DNAH9: variants seen among roughly 807,000 people sequenced by gnomAD.
The protein encoded by DNAH9 is dynein axonemal heavy chain 9, also known as DNAH9 variant protein.
Under a neutral mutation model 471.6 loss-of-function variants are expected in DNAH9, and 345 were observed. The ratio of observed to expected loss-of-function variants is 0.73; its 90% confidence interval spans 0.67 to 0.80. The LOEUF is 0.80. DNAH9 is among the 30% of genes least tolerant of loss of function. DNAH9 has a pLI of 0.00. For missense variants in DNAH9, 5,407 were observed against 5,609.2 expected (o/e 0.96, Z 1.15); for synonymous variants, 2,093 against 2,123.6 (o/e 0.99, Z 0.40).
At chr17:11,780,518 G>T (rs1968627973) in intron 38 of DNAH9, among the ~76,000 whole-genome samples, 1 of 152,180 alleles carries the variant, frequency 6.6e-6, no homozygotes, top group African/African-American at 2.4e-5. Flanking sequence ...AGCTTCCTTG[G>T]AGTAGAGTAC....
At chr17:11,684,459 A>C (rs929915181) in intron 19 of DNAH9, among the ~76,000 whole-genome samples, 9 of 152,174 alleles carry the variant, frequency 5.9e-5, no homozygotes, top group Admixed American at 4.6e-4. Flanking sequence ...GGCTTTGTGC[A>C]ACTCTTAAAG....
In DNAH9 at chr17:11,680,822, A is replaced by C; in HGVS notation, c.3676A>C (p.Arg1226=). 1 of 1,613,972 alleles carries C rather than the reference A, an allele frequency of 6.2e-7. No homozygotes were observed. Among genetic ancestry groups the C allele is most frequent in the Non-Finnish European group, 8.5e-7 (1 of 1,179,944 alleles). ...AAATGAAGTGACACTCCTCCGCCAGAGGTGCACAGCCTTCGATGCAGAACA... is the reference window on the plus strand; with the variant it reads ...AAATGAAGTGACACTCCTCCGCCAGCGGTGCACAGCCTTCGATGCAGAACA... ...QANEVTLLRQ[R]CTAFDAEQQQ... The change falls in exon 19 of 69, where the codon AGG becomes CGG. Residue 1226 remains arginine, a synonymous_variant. Coordinates refer to ENST00000262442, the MANE Select transcript of DNAH9 (RefSeq NM_001372.4).
At chr17:11,640,751 C>T (rs2073256051) in intron 10 of DNAH9, among the ~76,000 whole-genome samples, 1 of 152,140 alleles carries the variant, frequency 6.6e-6, no homozygotes, top group Non-Finnish European at 1.5e-5. Context: ...CCAGTGTTTC[C>T]TCAAGTGCAG....
At position 11,802,638 on chromosome 17, in the gene DNAH9, AAC is replaced by A. The variant is rs555230125; in HGVS notation, c.8420+4851_8420+4852del. Among the ~76,000 whole-genome samples, 114 of 118,396 alleles carry A rather than the reference AAC, an allele frequency of 9.6e-4. 1 individual carries two copies. The highest frequency in any genetic ancestry group is 3.7e-3 in the African/African-American group (112 of 30,594). The allele number at this position is 118,396 out of a possible 152,430, so 77.7% of individuals were successfully genotyped here. A position where few individuals can be genotyped will look rare whatever the true frequency, so the allele number is the denominator to read the frequency against. ...CAAGAGTGAAACTCCATCTCAAGAA[AAC>A]ACACAGACAAAAAAAAAAAAAAAGT... On this transcript the variant is annotated intron_variant, in intron 43 of 68. Transcript: ENST00000262442.
At chr17:11,838,972 G>T (rs896322158) in intron 49 of DNAH9, among the ~76,000 whole-genome samples, 1 of 152,158 alleles carries the variant, frequency 6.6e-6, no homozygotes, top group East Asian at 1.9e-4. Flanking sequence ...TAAATCAGAG[G>T]TGGGTAGTAA....
intron 49 of DNAH9, among the ~76,000 whole-genome samples, chr17:11,835,265 G>A (rs1382439980): frequency 1.3e-5 from 2 of 152,152 alleles, no homozygotes; most frequent in South Asian, 2.1e-4. Flanking sequence ...TCTAATCCCA[G>A]GGATCTTCCT....
At chr17:11,681,159 A>AG (rs1362185533) in intron 19 of DNAH9, among the ~76,000 whole-genome samples, 1 of 152,224 alleles carries the variant, frequency 6.6e-6, no homozygotes, top group Non-Finnish European at 1.5e-5. Context: ...AAGTTTATAA[A>AG]GGGATGATAG....
chr17:11,934,279 T>TA (rs940635334), intron 65 of DNAH9, among the ~76,000 whole-genome samples: 12 of 152,140 alleles, frequency 7.9e-5, no homozygotes, highest in Non-Finnish European at 1.5e-4. Flanking sequence ...AGTTGAGAGA[T>TA]ACGGGATTTC....
chr17:11,961,677 C>G (rs538645690), intron 67 of DNAH9, among the ~76,000 whole-genome samples, 190 bp from the exon 68 acceptor site: 57 of 152,300 alleles, frequency 3.7e-4, no homozygotes, highest in African/African-American at 1.3e-3. Flanking sequence ...TGAGACAAAC[C>G]TTCCAAAGCA....
At chr17:11,945,308 A>G (rs2322133) in intron 67 of DNAH9, among the ~76,000 whole-genome samples, 65,796 of 151,854 alleles carry the variant, frequency 0.43, 15,002 homozygotes, top group Middle Eastern at 0.53. Context: ...AGGCCGAGGC[A>G]GGTGGATTGC....
intron 12 of DNAH9, among the ~76,000 whole-genome samples, chr17:11,649,966 T>C (rs1229053833): frequency 6.6e-6 from 1 of 152,226 alleles, no homozygotes; most frequent in Non-Finnish European, 1.5e-5. Flanking sequence ...TTTATGTTGA[T>C]ATTTTATGCG....
At position 11,640,271 on chromosome 17, in the gene DNAH9, G is replaced by A. The variant is rs17600516; in HGVS notation, c.1788G>A (p.Gly596=). The part of the protein sequence containing the change: ...SQHVQEEAEL[G]FSPVHKNMPT... Reference sequence around the variant, plus strand: ...GGTCTGTCTGTGCCATGTCTCCAGGGTTCTCCCCGGTGCACAAGAACATGC... The same window carrying A: ...GGTCTGTCTGTGCCATGTCTCCAGGATTCTCCCCGGTGCACAAGAACATGC... The change falls in exon 10 of 69, where the codon GGG becomes GGA. Residue 596 remains glycine (G), a splice_region_variant and synonymous_variant. Transcript: ENST00000262442. The A allele has an allele frequency of 0.035, 56,491 of 1,608,420 alleles. 1,095 individuals are homozygous for A. The highest frequency in any genetic ancestry group is 0.04 in the Non-Finnish European group (47,584 of 1,175,338).
At chr17:11,722,778 C>G (rs1220134194) in intron 27 of DNAH9, among the ~76,000 whole-genome samples, 1 of 152,204 alleles carries the variant, frequency 6.6e-6, no homozygotes, top group Admixed American at 6.5e-5. Flanking sequence ...AAACCAGCCA[C>G]TTTCTCTGAA....
At chr17:11,720,332 T>C (rs931994582) in intron 27 of DNAH9, among the ~76,000 whole-genome samples, 6 of 152,184 alleles carry the variant, frequency 3.9e-5, no homozygotes, top group Non-Finnish European at 7.3e-5. Flanking sequence ...ATGTGCCATG[T>C]TGGTGTGCTG....
intron 11 of DNAH9, among the ~76,000 whole-genome samples, chr17:11,645,198 C>T (rs1175776984): frequency 6.6e-6 from 1 of 151,932 alleles, no homozygotes; most frequent in Non-Finnish European, 1.5e-5. Flanking sequence ...TTGATTTCTC[C>T]TTCTGCCATT....
intron 1 of DNAH9, among the ~76,000 whole-genome samples, chr17:11,602,385 T>C (rs1475949955): frequency 6.6e-6 from 1 of 152,204 alleles, no homozygotes; most frequent in African/African-American, 2.4e-5. Flanking sequence ...GATGGATCCT[T>C]GTCACCTTGC....
chr17:11,731,310 A>G (rs1023915608), intron 28 of DNAH9, among the ~76,000 whole-genome samples: 1 of 151,964 alleles, frequency 6.6e-6, no homozygotes, highest in Non-Finnish European at 1.5e-5. Flanking sequence ...TTATCTGAAC[A>G]CTGCAGGAAA....
chr17:11,819,138 A>G (rs1970216351), intron 45 of DNAH9, among the ~76,000 whole-genome samples: 2 of 152,080 alleles, frequency 1.3e-5, no homozygotes, highest in South Asian at 2.1e-4. Context: ...CAGCCAAGCA[A>G]TAATCCTAGA....
At position 11,937,504 on chromosome 17, in the gene DNAH9, C is replaced by T. The variant is rs748732284; in HGVS notation, c.12642C>T (p.Gly4214=). 1.2e-5 allele frequency: 19 copies of T among 1,612,138 alleles called. No individual in the cohort carries two copies. Among genetic ancestry groups the T allele is most frequent in the African/African-American group, 1.1e-4 (8 of 74,844 alleles). The part of the protein sequence containing the change: ...PRDSQARDGA[G]ATREEKVKAL... ...ACAGCCAGGCCAGAGACGGAGCGGG[C>T]GCCACAAGAGAAGAAAAGGTGTGTG... Residue 4214 remains glycine (G), a synonymous_variant, in exon 66 of 69, where the codon GGC becomes GGT. Coordinates refer to ENST00000262442, the MANE Select transcript of DNAH9 (RefSeq NM_001372.4). This position sits in a 1 kb window ranked among gnomAD's most constrained non-coding sequence, Gnocchi z 4.1.
Sources: allele counts gnomAD v4.1 joint callset (sites outside exome capture counted in the v4.1 genomes callset), GRCh38; gene constraint gnomAD v4.1.1; non-coding constraint Gnocchi (gnomAD v3.1); transcripts MANE v1.5; gene names NCBI Gene and HGNC (gene_info 2026-07-23, HGNC 2026-07-21).